The following MARCHF1 variants were observed in gnomAD, a reference collection of about 807,000 sequenced individuals.
The protein encoded by MARCHF1 is membrane associated ring-CH-type finger 1, also known as E3 ubiquitin-protein ligase MARCHF1.
Under a neutral mutation model 54.2 loss-of-function variants are expected in MARCHF1, and 40 were observed. The observed-to-expected ratio is 0.74, with a 90% CI of 0.57 to 0.96. The LOEUF is 0.96. Ranked by LOEUF, MARCHF1 falls within the 40% of genes least tolerant of loss-of-function variation. The pLI is 0.00. For synonymous variants in MARCHF1, 236 were observed against 236.3 expected (o/e 1.00, Z 0.01); for missense variants, 586 against 656.5 (o/e 0.89, Z 1.17).
At chr4:163,892,909 G>A (rs1750692612) in intron 3 of MARCHF1, among the ~76,000 whole-genome samples, 1 of 152,042 alleles carries the variant, frequency 6.6e-6, no homozygotes, top group African/African-American at 2.4e-5. Context: ...ATTTGTGCCA[G>A]TTCCTTGAAC....
At chr4:164,004,246 C>CATACAT (rs141219173) in intron 2 of MARCHF1, among the ~76,000 whole-genome samples, 1 of 149,978 alleles carries the variant, frequency 6.7e-6, no homozygotes, top group Non-Finnish European at 1.5e-5. Context: ...TGTTTACATA[C>CATACAT]ATATATATAT....
chr4:163,933,040 C>G, intron 3 of MARCHF1: 1 of 1,474,584 alleles, frequency 6.8e-7, no homozygotes, highest in Non-Finnish European at 9.2e-7. Flanking sequence ...GTTAACTTTT[C>G]TGTATTTTAC....
intron 5 of MARCHF1, among the ~76,000 whole-genome samples, chr4:163,631,357 T>G (rs565255992): frequency 6.6e-6 from 1 of 152,220 alleles, no homozygotes; most frequent in African/African-American, 2.4e-5. Context: ...CACACTCAGC[T>G]AACGTCTTTA....
intron 2 of MARCHF1, among the ~76,000 whole-genome samples, chr4:164,110,714 CAAA>C (rs35186144): frequency 2.7e-5 from 4 of 145,988 alleles, no homozygotes; most frequent in Admixed American, 6.8e-5. Flanking sequence ...AATGAAAAGC[CAAA>C]AAAAAAAAAG....
chr4:164,062,726 G>T (rs982699575), intron 2 of MARCHF1, among the ~76,000 whole-genome samples: 1 of 152,070 alleles, frequency 6.6e-6, no homozygotes, highest in Admixed American at 6.6e-5. Flanking sequence ...GTTTCACCAC[G>T]TTAGCCAGGC....
intron 1 of MARCHF1, among the ~76,000 whole-genome samples, chr4:164,243,481 C>T (rs939652095): frequency 6.6e-6 from 1 of 152,014 alleles, no homozygotes. Flanking sequence ...AAGGAACAAC[C>T]AGTACCAGCC....
chr4:163,890,212 G>A (rs1309178533), intron 3 of MARCHF1, among the ~76,000 whole-genome samples: 1 of 151,976 alleles, frequency 6.6e-6, no homozygotes, highest in Non-Finnish European at 1.5e-5. Context: ...GGGATTACAG[G>A]CGTGAGCCAC....
intron 1 of MARCHF1, among the ~76,000 whole-genome samples, chr4:164,215,911 A>C (rs778073071): frequency 6.6e-6 from 1 of 152,248 alleles, no homozygotes; most frequent in African/African-American, 2.4e-5. Flanking sequence ...TATTTTATTT[A>C]AAAAGATAAA....
At chr4:163,895,527 A>G (rs1006512555) in intron 3 of MARCHF1, among the ~76,000 whole-genome samples, 4 of 152,124 alleles carry the variant, frequency 2.6e-5, no homozygotes, top group Non-Finnish European at 5.9e-5. Flanking sequence ...TCCACAGTTA[A>G]TTGTTCATGT....
At chr4:163,645,598 A>G (rs993819602) in intron 5 of MARCHF1, among the ~76,000 whole-genome samples, 6 of 152,242 alleles carry the variant, frequency 3.9e-5, no homozygotes, top group African/African-American at 1.4e-4. Flanking sequence ...GAGGTGCAAG[A>G]AAACACAGGC....
Position 163,733,258 on chromosome 4 carries a change from T to TATATATACACATGTATATATATAC in MARCHF1, c.112-32396_112-32395insGTATATATATACATGTGTATATAT, listed in dbSNP as rs1554008879. ...ATATATATACACGTGTATATATATA[T>TATATATACACATGTATATATATAC]ACACACACACACACACACAGACACA... On this transcript the variant is annotated intron_variant, in intron 4 of 9. Coordinates refer to ENST00000514618, the MANE Select transcript of MARCHF1 (RefSeq NM_001394959.1). Among the ~76,000 whole-genome samples, 144 of 45,062 alleles carry TATATATACACATGTATATATATAC rather than the reference T, an allele frequency of 3.2e-3. 7 individuals carry two copies. Among genetic ancestry groups the TATATATACACATGTATATATATAC allele is most frequent in the Non-Finnish European group, 6.0e-3 (113 of 18,960 alleles). The allele number at this position is 45,062 out of a possible 152,430, so 29.6% of individuals were successfully genotyped here.
At chr4:164,186,098 G>T (rs1177069959) in intron 1 of MARCHF1, among the ~76,000 whole-genome samples, 2 of 152,092 alleles carry the variant, frequency 1.3e-5, no homozygotes, top group Admixed American at 1.3e-4. Flanking sequence ...TTGCCATGTT[G>T]GCCAGGCTGG....
At chr4:163,563,309 C>T (rs901079731) in intron 8 of MARCHF1, among the ~76,000 whole-genome samples, 1 of 152,198 alleles carries the variant, frequency 6.6e-6, no homozygotes, top group African/African-American at 2.4e-5. Flanking sequence ...AAAGGGGTGG[C>T]TAAGAAACTT....
intron 3 of MARCHF1, among the ~76,000 whole-genome samples, chr4:163,940,910 T>C (rs996644755): frequency 6.6e-6 from 1 of 152,136 alleles, no homozygotes; most frequent in Middle Eastern, 3.2e-3. Context: ...GAGTAAACTC[T>C]CAATAAATAC....
chr4:164,145,618 A>G (rs1729661048), intron 1 of MARCHF1, among the ~76,000 whole-genome samples: 1 of 152,206 alleles, frequency 6.6e-6, no homozygotes, highest in Non-Finnish European at 1.5e-5. Context: ...GACAAAATTC[A>G]ACAACCTTCA....
At chr4:164,198,659 C>A (rs1012736986) in intron 1 of MARCHF1, among the ~76,000 whole-genome samples, 4 of 152,164 alleles carry the variant, frequency 2.6e-5, no homozygotes, top group Non-Finnish European at 5.9e-5. Flanking sequence ...GTTAGCAGCA[C>A]AGGCATTAGG....
intron 8 of MARCHF1, among the ~76,000 whole-genome samples, chr4:163,549,174 G>A (rs1316365524): frequency 6.6e-6 from 1 of 152,188 alleles, no homozygotes; most frequent in Non-Finnish European, 1.5e-5. Flanking sequence ...CACCACGCCT[G>A]GCTAATTTTT....
intron 9 of MARCHF1, among the ~76,000 whole-genome samples, chr4:163,537,615 G>A (rs919034543): frequency 4.6e-5 from 7 of 152,128 alleles, no homozygotes; most frequent in African/African-American, 1.7e-4. Context: ...AGTTTCTGTA[G>A]GTTTAATAAT....
intron 1 of MARCHF1, among the ~76,000 whole-genome samples, chr4:164,299,170 T>C (rs1734486805): frequency 1.3e-5 from 2 of 152,180 alleles, no homozygotes; most frequent in African/African-American, 2.4e-5. Context: ...GTGCCCACTA[T>C]GTTCTGGGCT....
Sources: allele counts gnomAD v4.1 joint callset (sites outside exome capture counted in the v4.1 genomes callset), GRCh38; gene constraint gnomAD v4.1.1; transcripts MANE v1.5; gene names NCBI Gene and HGNC (gene_info 2026-07-23, HGNC 2026-07-21).